Variants in SHANK2 observed in about 807,000 individuals in gnomAD.
SHANK2 encodes the protein SH3 and multiple ankyrin repeat domains protein 2.
Under a neutral mutation model 133.7 loss-of-function variants are expected in SHANK2, and 43 were observed. That is an observed-to-expected ratio of 0.32 (90% CI 0.25 to 0.41). The LOEUF (loss-of-function observed/expected upper bound fraction) is 0.41. SHANK2 is among the 10% of genes least tolerant of loss of function. The pLI is 1.00. For synonymous variants in SHANK2, 1,017 were observed against 952.8 expected (o/e 1.07, Z -1.24); for missense variants, 1,994 against 2,235.8 (o/e 0.89, Z 2.18).
In SHANK2 at chr11:70,473,664, C is replaced by T; in HGVS notation, c.4980-225G>A. 3.2e-6 allele frequency: 2 copies of T among 632,728 alleles called. No homozygotes were observed. Among genetic ancestry groups the T allele is most frequent in the Non-Finnish European group, 5.8e-6 (2 of 345,792 alleles). 39.2% of individuals were successfully genotyped at this position (632,728 alleles called of 1,614,324 possible). ...CCAGAGCACACCACGTCAGCCCACT[C>T]ACCTGAACTGGGACAGAGGGGCTGG... On this transcript the variant is annotated intron_variant, in intron 25 of 25. Coordinates refer to ENST00000601538, the MANE Select transcript of SHANK2 (RefSeq NM_012309.5). The surrounding 1 kb of genome is among the most constrained non-coding windows in gnomAD (Gnocchi z 5.9).
At chr11:70,920,175 C>T (rs1345852348) in intron 10 of SHANK2, among the ~76,000 whole-genome samples, 1 of 152,204 alleles carries the variant, frequency 6.6e-6, no homozygotes, top group African/African-American at 2.4e-5. Flanking sequence ...ACCCAATACA[C>T]AAGCACTTAA....
intron 11 of SHANK2, among the ~76,000 whole-genome samples, chr11:70,883,338 C>T (rs1949685452): frequency 6.6e-6 from 1 of 152,206 alleles, no homozygotes; most frequent in Non-Finnish European, 1.5e-5. Flanking sequence ...TTAGCACCCC[C>T]TAATGCTGGC....
At chr11:70,854,544 G>T (rs1168993808) in intron 11 of SHANK2, among the ~76,000 whole-genome samples, 2 of 152,228 alleles carry the variant, frequency 1.3e-5, no homozygotes, top group East Asian at 3.8e-4. Flanking sequence ...TGGATTGAGG[G>T]AGAGGGACCA....
chr11:71,230,107 G>A (rs1349334202), intron 1 of SHANK2, among the ~76,000 whole-genome samples: 1 of 152,120 alleles, frequency 6.6e-6, no homozygotes, highest in Non-Finnish European at 1.5e-5. Context: ...GGCCCAACGT[G>A]GTGAAACCCC....
intron 14 of SHANK2, among the ~76,000 whole-genome samples, chr11:70,756,043 G>T (rs782587467): frequency 3.3e-5 from 5 of 152,110 alleles, no homozygotes; most frequent in Non-Finnish European, 5.9e-5. Context: ...GTGATCTTGC[G>T]GAGATGGCTC....
chr11:71,134,780 C>G (rs1444016732), intron 3 of SHANK2, among the ~76,000 whole-genome samples: 1 of 152,104 alleles, frequency 6.6e-6, no homozygotes. Flanking sequence ...CCAGGACAGC[C>G]CCACTGGCTT....
intron 10 of SHANK2, among the ~76,000 whole-genome samples, chr11:70,905,502 C>G (rs565844599): frequency 6.6e-6 from 1 of 152,314 alleles, no homozygotes; most frequent in Non-Finnish European, 1.5e-5. Flanking sequence ...ATATTTGAGG[C>G]CCCCTCCGAA....
At chr11:71,159,265 C>T (rs1390645671) in intron 2 of SHANK2, among the ~76,000 whole-genome samples, 1 of 152,226 alleles carries the variant, frequency 6.6e-6, no homozygotes, top group Non-Finnish European at 1.5e-5. Flanking sequence ...TGTACTCTGA[C>T]ACTCATGGCC....
At chr11:70,752,566 CG>C (rs1168926140) in intron 14 of SHANK2, among the ~76,000 whole-genome samples, 1 of 151,912 alleles carries the variant, frequency 6.6e-6, no homozygotes. Flanking sequence ...GTTAGCCGGG[CG>C]AAGTGGCGGG....
chr11:70,658,899 G>A (rs782131729), intron 17 of SHANK2, among the ~76,000 whole-genome samples: 5 of 152,218 alleles, frequency 3.3e-5, no homozygotes, highest in African/African-American at 1.2e-4. Flanking sequence ...TGATGTACAC[G>A]AGGCTGGGCT....
chr11:70,506,368 C>T (rs2059137430), intron 17 of SHANK2, among the ~76,000 whole-genome samples: 1 of 152,216 alleles, frequency 6.6e-6, no homozygotes, highest in Admixed American at 6.5e-5. Flanking sequence ...GATTCCATCC[C>T]CTGTACCCCT....
intron 17 of SHANK2, among the ~76,000 whole-genome samples, chr11:70,546,579 C>A (rs75329347): frequency 6.6e-6 from 1 of 152,160 alleles, no homozygotes; most frequent in Non-Finnish European, 1.5e-5. Flanking sequence ...TCCTCAAGAT[C>A]GAGACCCTCC....
intron 10 of SHANK2, among the ~76,000 whole-genome samples, chr11:70,939,238 G>A (rs546665155): frequency 1.3e-5 from 2 of 152,272 alleles, no homozygotes; most frequent in African/African-American, 4.8e-5. Context: ...ATGTTGGGAG[G>A]CCAAGGCGGG....
intron 17 of SHANK2, among the ~76,000 whole-genome samples, chr11:70,620,076 G>A (rs1460044752): frequency 2.0e-5 from 3 of 152,088 alleles, no homozygotes; most frequent in Non-Finnish European, 4.4e-5. Context: ...ATAAGGACAC[G>A]GATCCCATCA....
At chr11:70,919,507 C>T (rs563143778) in intron 10 of SHANK2, among the ~76,000 whole-genome samples, 10 of 152,126 alleles carry the variant, frequency 6.6e-5, no homozygotes, top group East Asian at 1.9e-4. Context: ...CTCAGCCTCC[C>T]GAATAGCTGG....
chr11:70,952,853 C>T (rs1170365229), intron 10 of SHANK2: 3 of 364,036 alleles, frequency 8.2e-6, no homozygotes, highest in Non-Finnish European at 1.8e-5. Context: ...AACAAGGTGG[C>T]TTCAAGCAAC....
chr11:71,184,391 G>A (rs997201468), intron 2 of SHANK2, among the ~76,000 whole-genome samples: 11 of 152,260 alleles, frequency 7.2e-5, no homozygotes, highest in Admixed American at 2.0e-4. Context: ...TGGCTCTCGC[G>A]TCCATCACTT....
At chr11:70,940,182 C>A (rs11238032) in intron 10 of SHANK2, among the ~76,000 whole-genome samples, 8 of 111,110 alleles carry the variant, frequency 7.2e-5, no homozygotes, top group African/African-American at 1.1e-4. Flanking sequence ...TTCCTTCCTT[C>A]CTTACTTCCT....
intron 11 of SHANK2, among the ~76,000 whole-genome samples, 151 bp from the exon 12 acceptor site, chr11:70,820,833 C>A (rs1489102043): frequency 6.6e-6 from 1 of 152,196 alleles, no homozygotes; most frequent in African/African-American, 2.4e-5. Flanking sequence ...GAGACCCCAG[C>A]TGGACTCCAC....
Sources: gnomAD v4.1 joint callset for allele counts (sites outside exome capture counted in the v4.1 genomes callset) on GRCh38, gnomAD v4.1.1 for gene constraint, Gnocchi (gnomAD v3.1) non-coding constraint, MANE v1.5 for transcripts, NCBI Gene and HGNC (gene_info 2026-07-23, HGNC 2026-07-21) for gene names.